The following BARX2 variants were observed in gnomAD, a reference collection of about 807,000 sequenced individuals.
BARX2 encodes the protein homeobox protein BarH-like 2.
A neutral mutation model predicts 25.5 loss-of-function variants in BARX2; 11 were observed. That is an observed-to-expected ratio of 0.43 (90% CI 0.27 to 0.71). The LOEUF (loss-of-function observed/expected upper bound fraction) is 0.71, where lower values mean the gene tolerates loss of function less well. Ranked by LOEUF, BARX2 falls within the 30% of genes least tolerant of loss-of-function variation. The pLI is 0.19. For missense variants in BARX2, 360 were observed against 359.9 expected (o/e 1.00, Z 0.00); for synonymous variants, 137 against 149.5 (o/e 0.92, Z 0.61).
At chr11:129,406,668 C>T (rs367849629) in intron 1 of BARX2, among the ~76,000 whole-genome samples, 13 of 152,146 alleles carry the variant, frequency 8.5e-5, no homozygotes, top group Admixed American at 3.9e-4. Flanking sequence ...GGAGGTGGAC[C>T]CCCCAGTCCT....
Position 129,415,968 on chromosome 11 carries a change from C to T in BARX2, c.188-20783C>T, listed in dbSNP as rs535486823. On this transcript the variant is annotated intron_variant, in intron 1 of 3. Coordinates refer to ENST00000281437, the MANE Select transcript of BARX2 (RefSeq NM_003658.5). ...TGGGGCTTTTAGCCCCCTTCTTAGG[C>T]TCCTCAGAGTCCATGCTGAGAATGA... Among the ~76,000 whole-genome samples the T allele has an allele frequency of 7.7e-4, 117 of 152,348 alleles. 1 individual carries two copies. Among genetic ancestry groups the T allele is most frequent in the African/African-American group, 2.5e-3 (106 of 41,574 alleles).
At chr11:129,389,809 A>G (rs1202951371) in intron 1 of BARX2, among the ~76,000 whole-genome samples, 1 of 151,980 alleles carries the variant, frequency 6.6e-6, no homozygotes, top group Non-Finnish European at 1.5e-5. Flanking sequence ...TTCTTTTCCA[A>G]TTAGGTAGCA....
At chr11:129,409,304 A>G (rs1427308372) in intron 1 of BARX2, among the ~76,000 whole-genome samples, 2 of 152,170 alleles carry the variant, frequency 1.3e-5, no homozygotes, top group African/African-American at 2.4e-5. Flanking sequence ...CTAGGATGCT[A>G]CTGAAAAGTA....
chr11:129,395,374 C>A (rs1396062385), intron 1 of BARX2, among the ~76,000 whole-genome samples: 1 of 152,134 alleles, frequency 6.6e-6, no homozygotes, highest in South Asian at 2.1e-4. Context: ...GTTGTGTCAA[C>A]AAATAATGGC....
chr11:129,380,629 T>C (rs1861553022), intron 1 of BARX2, among the ~76,000 whole-genome samples: 1 of 152,200 alleles, frequency 6.6e-6, no homozygotes, highest in Non-Finnish European at 1.5e-5. Context: ...ACATAGGCTT[T>C]TAGTAGCAAT....
intron 1 of BARX2, among the ~76,000 whole-genome samples, chr11:129,404,470 A>G (rs1313024985): frequency 6.6e-6 from 1 of 152,234 alleles, no homozygotes; most frequent in African/African-American, 2.4e-5. Flanking sequence ...CTTTTGCCCA[A>G]GAGAGAAAGC....
chr11:129,439,327 G>A (rs148196747), intron 2 of BARX2, among the ~76,000 whole-genome samples: 16 of 152,034 alleles, frequency 1.1e-4, no homozygotes, highest in Non-Finnish European at 1.8e-4. Flanking sequence ...TGTGCAGAAC[G>A]TGCAGGTTTG....
chr11:129,439,912 A>ATTT (rs10694005), intron 2 of BARX2, among the ~76,000 whole-genome samples: 19,415 of 151,018 alleles, frequency 0.13, 2,632 homozygotes, highest in African/African-American at 0.34. Context: ...AAGTCAGAGA[A>ATTT]TTTTTTTTTT....
chr11:129,448,523 GCTAAA>G (rs1862357417), intron 3 of BARX2, among the ~76,000 whole-genome samples: 1 of 152,290 alleles, frequency 6.6e-6, no homozygotes, highest in South Asian at 2.1e-4. Flanking sequence ...ATGAAAAGAT[GCTAAA>G]CTTCATTAGT....
At chr11:129,442,397 C>CGAG (rs2135414936) in intron 2 of BARX2, among the ~76,000 whole-genome samples, 1 of 152,264 alleles carries the variant, frequency 6.6e-6, no homozygotes, top group African/African-American at 2.4e-5. Flanking sequence ...AGGAGAATCA[C>CGAG]CTGCCGGAGG....
intron 1 of BARX2, among the ~76,000 whole-genome samples, chr11:129,426,800 AT>A (rs10596885): frequency 0.055 from 7,988 of 145,896 alleles, 472 homozygotes; most frequent in African/African-American, 0.15. Context: ...TTTTCTGTGG[AT>A]TTTTTTTTTT....
At chr11:129,440,939 CAG>C (rs1485136045) in intron 2 of BARX2, among the ~76,000 whole-genome samples, 3 of 152,200 alleles carry the variant, frequency 2.0e-5, no homozygotes, top group African/African-American at 7.2e-5. Flanking sequence ...CAAGCTCTGT[CAG>C]GGGTGATTGT....
chr11:129,433,639 T>C (rs548004588), intron 1 of BARX2, among the ~76,000 whole-genome samples: 1 of 152,236 alleles, frequency 6.6e-6, no homozygotes, highest in South Asian at 2.1e-4. Context: ...CCTGTGCTGG[T>C]TCTGGGGCTG....
intron 1 of BARX2, among the ~76,000 whole-genome samples, chr11:129,432,235 T>C (rs532333624): frequency 4.9e-4 from 74 of 152,250 alleles, no homozygotes; most frequent in Non-Finnish European, 9.6e-4. Flanking sequence ...CTAATTTTTG[T>C]ATTTCTAGTA....
rs149315314 is a variant in BARX2 at position 129,384,475 on chromosome 11, G to A, written c.187+8253G>A. Among the ~76,000 whole-genome samples the A allele has an allele frequency of 1.2e-3, 187 of 152,212 alleles. 1 individual carries two copies. The highest frequency in any genetic ancestry group is 1.9e-3 in the Admixed American group (29 of 15,294). Reference sequence around the variant, plus strand: ...TTCTTTCCCAGAGTCCTTTTCACTCGGTGAATTAACCATCACTGAGACTCA... The same window carrying A: ...TTCTTTCCCAGAGTCCTTTTCACTCAGTGAATTAACCATCACTGAGACTCA... On this transcript the variant is annotated intron_variant, in intron 1 of 3. Coordinates refer to ENST00000281437, the MANE Select transcript of BARX2 (RefSeq NM_003658.5).
chr11:129,402,455 T>C (rs1199449964), intron 1 of BARX2, among the ~76,000 whole-genome samples: 17 of 152,158 alleles, frequency 1.1e-4, no homozygotes, highest in Non-Finnish European at 1.5e-5. Context: ...AATGCATAAA[T>C]GAGTGAGTGA....
intron 1 of BARX2, among the ~76,000 whole-genome samples, chr11:129,395,491 A>T (rs990970137): frequency 2.6e-5 from 4 of 152,174 alleles, no homozygotes; most frequent in African/African-American, 9.7e-5. Flanking sequence ...GATTAGATTG[A>T]GTTAGTGGGC....
chr11:129,423,818 C>T (rs1380612550), intron 1 of BARX2, among the ~76,000 whole-genome samples: 1 of 151,890 alleles, frequency 6.6e-6, no homozygotes, highest in African/African-American at 2.4e-5. Context: ...AGATGTACTC[C>T]AAGGTCCAGT....
chr11:129,397,651 A>T (rs939231635), intron 1 of BARX2, among the ~76,000 whole-genome samples: 1 of 152,222 alleles, frequency 6.6e-6, no homozygotes, highest in Non-Finnish European at 1.5e-5. Flanking sequence ...GATGATGGTG[A>T]TGTGAGCGTC....
Sources: allele counts gnomAD v4.1 joint callset (sites outside exome capture counted in the v4.1 genomes callset), GRCh38; gene constraint gnomAD v4.1.1; transcripts MANE v1.5; gene names NCBI Gene and HGNC (gene_info 2026-07-23, HGNC 2026-07-21).